Variants in FURIN observed in about 807,000 individuals in gnomAD.
FURIN encodes FES upstream region.
In FURIN, 18 loss-of-function variants were observed where a neutral mutation model predicts 89.2. The ratio of observed to expected loss-of-function variants is 0.20; its 90% CI spans 0.14 to 0.30. The LOEUF (loss-of-function observed/expected upper bound fraction) is 0.30. Ranked by LOEUF, FURIN falls within the 10% of genes least tolerant of loss-of-function variation. The pLI, the probability that FURIN is intolerant of heterozygous loss-of-function variation, is 1.00. For missense variants in FURIN, 879 were observed against 1,100.5 expected, an observed-to-expected ratio of 0.80 and a Z score of 2.85; for synonymous variants, 508 against 466.4, an observed-to-expected ratio of 1.09 and a Z score of -1.15.
Position 90,880,691 on chromosome 15 carries a change from G to A in FURIN, c.1557G>A (p.Arg519=), listed in dbSNP as rs1167768536. 6.2e-7 allele frequency: 1 copy of A among 1,612,260 alleles called. No homozygotes were observed. Among genetic ancestry groups the A allele is most frequent in the African/African-American group, 1.3e-5 (1 of 74,908 alleles). Residue 519 remains arginine (R), a splice_region_variant and synonymous_variant, in exon 14 of 16, where the codon AGG becomes AGA. Coordinates refer to ENST00000268171, the MANE Select transcript of FURIN (RefSeq NM_002569.4). ...MGTRSTLLAA[R]PHDYSADGFN... is the part of the protein sequence containing the mutation. ...GGGCTGTGTGCACTCCCCTCCCCAG[G>A]CCACATGACTACTCCGCAGATGGGT...
In FURIN at chr15:90,876,392, C is replaced by T. The variant is rs1333338070; in HGVS notation, c.276+39C>T. 2.6e-6 allele frequency: 4 copies of T among 1,517,260 alleles called. No homozygotes were observed. The highest frequency in any genetic ancestry group is 1.7e-5 in the Admixed American group (1 of 59,886). The allele number at this position is 1,517,260 out of a possible 1,614,324, so 94.0% of individuals were successfully genotyped here. A position where few individuals can be genotyped will look rare whatever the true frequency, so the allele number is the denominator to read the frequency against. ...CAGCCCCCTCCTGCTGCCACCCTCC[C>T]CCTCCTGCTCTCAGGAGCCCCTCTC... On this transcript the variant is annotated intron_variant, in intron 3 of 15. Coordinates refer to ENST00000268171, the MANE Select transcript of FURIN (RefSeq NM_002569.4). This position sits in a 1 kb window ranked among gnomAD's most constrained non-coding sequence, Gnocchi z 5.0.
intron 1 of FURIN, among the ~76,000 whole-genome samples, chr15:90,869,908 G>A (rs1050197968): frequency 6.6e-6 from 1 of 152,236 alleles, no homozygotes; most frequent in East Asian, 1.9e-4. Context: ...AGGAAGAAGC[G>A]TGAGTCACTT....
At position 90,877,527 on chromosome 15, in the gene FURIN, G is replaced by A. The variant is rs756851426; in HGVS notation, c.579G>A (p.Arg193=). 8 of 1,568,376 alleles carry A rather than the reference G, an allele frequency of 5.1e-6. No individual in the cohort carries two copies. The highest frequency in any genetic ancestry group is 4.7e-5 in the South Asian group (4 of 85,260). ...QPRYTQMNDN[R]HGTRCAGEVA... is the part of the protein sequence containing the mutation. ...CATGCTACGTGCTTGGCCCTGGCAGGCACGGCACACGGTGTGCGGGGGAAG... is the reference window on the plus strand; with the variant it reads ...CATGCTACGTGCTTGGCCCTGGCAGACACGGCACACGGTGTGCGGGGGAAG... The change falls in exon 7 of 16, where the codon AGG becomes AGA. Residue 193 remains arginine, a splice_region_variant and synonymous_variant. Transcript: ENST00000268171.
chr15:90,874,651 G>A (rs2031507201), intron 1 of FURIN, among the ~76,000 whole-genome samples: 1 of 152,332 alleles, frequency 6.6e-6, no homozygotes, highest in Middle Eastern at 3.4e-3. Flanking sequence ...GCTGAACTAG[G>A]AAACCCTAGT....
chr15:90,877,659 A>C, intron 7 of FURIN, 44 bp downstream of exon 7: 1 of 1,380,326 alleles, frequency 7.2e-7, no homozygotes, highest in Non-Finnish European at 1.0e-6. Flanking sequence ...AGGGCCCTTC[A>C]GTGGAATTTT....
intron 7 of FURIN, 102 bp from the exon 8 acceptor site, chr15:90,878,030 A>T: frequency 1.8e-6 from 2 of 1,104,910 alleles, no homozygotes; most frequent in Non-Finnish European, 2.7e-6. Context: ...CCCTTCCCTT[A>T]CTCATCCCCT....
intron 1 of FURIN, among the ~76,000 whole-genome samples, 157 bp from the exon 2 acceptor site, chr15:90,875,425 G>A (rs2031556620): frequency 6.6e-6 from 1 of 152,136 alleles, no homozygotes; most frequent in Admixed American, 6.5e-5. Flanking sequence ...CTGGCCTTGG[G>A]GGCTAGATTT....
intron 9 of FURIN, 142 bp from the exon 10 acceptor site, chr15:90,879,302 C>T: frequency 1.5e-6 from 1 of 671,252 alleles, no homozygotes; most frequent in East Asian, 2.7e-5. Flanking sequence ...AGCAAGGCAG[C>T]AGCTGGGACC....
chr15:90,876,240 C>T lies in FURIN; in HGVS notation c.178-15C>T, dbSNP rs915652878. On this transcript the variant is annotated splice_polypyrimidine_tract_variant and intron_variant, in intron 2 of 15. Coordinates refer to ENST00000268171, the MANE Select transcript of FURIN (RefSeq NM_002569.4). The surrounding 1 kb of genome is among the most constrained non-coding windows in gnomAD (Gnocchi z 5.0). The stretch of plus-strand genomic sequence containing the variant: ...CAGATGGAAAGCCCAGCTCAGTCTC[C>T]CTGCTCTATTGCAGATCTTCGGGGA... The T allele has an allele frequency of 1.9e-6, 3 of 1,548,990 alleles. No individual in the cohort carries two copies. The highest frequency in any genetic ancestry group is 1.1e-5 in the South Asian group (1 of 89,828).
At chr15:90,871,085 C>T (rs1232889794) in intron 1 of FURIN, among the ~76,000 whole-genome samples, 1 of 152,224 alleles carries the variant, frequency 6.6e-6, no homozygotes, top group Non-Finnish European at 1.5e-5. Flanking sequence ...GTCCTGCCGC[C>T]GTGCAGTCCT....
chr15:90,878,287 T>C lies in FURIN; in HGVS notation c.823T>C (p.Phe275Leu), dbSNP rs563066377. The C allele has an allele frequency of 1.4e-5, 22 of 1,599,602 alleles. 1 individual carries two copies. In the South Asian group the frequency reaches 1.6e-4, roughly 11 times the overall value. ...AGCCCGCCTCGCCGAGGAGGCCTTCTTCCGTGGGGTTAGCCAGGTGAGGTG... is the reference window on the plus strand; with the variant it reads ...AGCCCGCCTCGCCGAGGAGGCCTTCCTCCGTGGGGTTAGCCAGGTGAGGTG... ...GPARLAEEAF[F>L]RGVSQGRGGL... Residue 275 changes from phenylalanine to leucine, a missense_variant, in exon 8 of 16, where the codon TTC (phenylalanine) becomes CTC (leucine). Physicochemically the swap from Phe to Leu is conservative, Grantham distance 22. Around this residue, in one of 5 missense-constraint regions of FURIN, gnomAD observed 156 missense variants for 243.7 expected, o/e 0.64. Transcript: ENST00000268171.
rs1393588726 is a variant in FURIN, at chr15:90,880,291, G to T, written c.1556+18G>T. The T allele has an allele frequency of 1.9e-6, 3 of 1,578,134 alleles. No individual in the cohort carries two copies. In the African/African-American group the frequency reaches 4.0e-5, roughly 21 times the overall value. The stretch of plus-strand genomic sequence containing the variant: ...GCAGCCAGGTGCTTGCTCTGTCCCT[G>T]CCCGCCCTGCCCAGCGCCGCCGCCT... On this transcript the variant is annotated intron_variant, in intron 13 of 15. Coordinates refer to ENST00000268171, the MANE Select transcript of FURIN (RefSeq NM_002569.4).
chr15:90,882,019 G>T lies in FURIN; in HGVS notation c.*141G>T. ...GGAGACTGCTTCCCATCCTACCCTC[G>T]GGCCCACCTGGCCACCTGAGGTGGG... On this transcript the variant is annotated 3_prime_UTR_variant, in exon 16 of 16. Transcript: ENST00000268171. 1 of 657,400 alleles carries T rather than the reference G, an allele frequency of 1.5e-6. No individual in the cohort carries two copies. Among genetic ancestry groups the T allele is most frequent in the South Asian group, 1.9e-5 (1 of 51,450 alleles). 40.7% of individuals were successfully genotyped at this position (657,400 alleles called of 1,614,324 possible).
rs1305097218 is a variant in FURIN at position 90,881,639 on chromosome 15, G to T, written c.2146G>T (p.Val716Leu). The T allele has an allele frequency of 1.3e-6, 2 of 1,589,228 alleles. No individual in the cohort carries two copies. Among genetic ancestry groups the T allele is most frequent in the Non-Finnish European group, 1.7e-6 (2 of 1,165,070 alleles). ...AGLLPSHLPE[V>L]VAGLSCAFIV... ...GCTGCTGCCCTCACACCTGCCTGAG[G>T]TGGTGGCCGGCCTCAGCTGCGCCTT... The change falls in exon 16 of 16, where the codon GTG (valine) becomes TTG (leucine). Residue 716 changes from valine to leucine, a missense_variant. By Grantham distance (32) the Val-to-Leu change is conservative (BLOSUM62 1). Transcript: ENST00000268171. The surrounding 1 kb of genome is among the most constrained non-coding windows in gnomAD (Gnocchi z 4.3).
rs368837271 is a variant in FURIN, at chr15:90,876,161, C to T, written c.178-94C>T. 1.2e-3 allele frequency: 1,130 copies of T among 918,962 alleles called. 18 individuals carry two copies. The South Asian group carries it at 0.014, about 11-fold the overall frequency. 56.9% of individuals were successfully genotyped at this position (918,962 alleles called of 1,614,324 possible). On this transcript the variant is annotated intron_variant, in intron 2 of 15. Coordinates refer to ENST00000268171, the MANE Select transcript of FURIN (RefSeq NM_002569.4). The surrounding 1 kb of genome is among the most constrained non-coding windows in gnomAD (Gnocchi z 5.0). ...AGATGCCCCGCACCCCCGACCGTGG[C>T]GAGCCTCCCATGAAGCCGTTGTCCA...
intron 9 of FURIN, 103 bp downstream of exon 9, chr15:90,879,079 G>C (rs1249174167): frequency 1.4e-6 from 1 of 733,928 alleles, no homozygotes; most frequent in Admixed American, 2.4e-5. Context: ...CATGTGGCTG[G>C]GTGATAGTGG....
intron 8 of FURIN, 103 bp downstream of exon 8, chr15:90,878,407 T>TAC: frequency 1.0e-6 from 1 of 971,004 alleles, no homozygotes; most frequent in Non-Finnish European, 1.5e-6. Context: ...TGTTTAACTT[T>TAC]ACACAAAGCA....
intron 6 of FURIN, 93 bp from the exon 7 acceptor site, chr15:90,877,434 G>A (rs1018158790): frequency 5.8e-6 from 6 of 1,026,698 alleles, no homozygotes; most frequent in East Asian, 5.2e-5. Context: ...GATGGGTGTC[G>A]GATGTGCGGA....
Position 90,881,630 on chromosome 15 carries a change from C to A in FURIN, c.2137C>A (p.Leu713Met). Residue 713 changes from leucine (L) to methionine (M), a missense_variant, in exon 16 of 16, where the codon CTG (leucine) becomes ATG (methionine). This residue lies in a region of FURIN where 457 missense variants were observed against 490.7 expected (regional missense o/e 0.93). Coordinates refer to ENST00000268171, the MANE Select transcript of FURIN (RefSeq NM_002569.4). This position sits in a 1 kb window ranked among gnomAD's most constrained non-coding sequence, Gnocchi z 4.3. ...GCGGGCAGGGCTGCTGCCCTCACAC[C>A]TGCCTGAGGTGGTGGCCGGCCTCAG... is the stretch of plus-strand genomic sequence containing the variant. ...RLRAGLLPSH[L>M]PEVVAGLSCA... 6.3e-7 allele frequency: 1 copy of A among 1,592,432 alleles called. No homozygotes were observed. Among genetic ancestry groups the A allele is most frequent in the Non-Finnish European group, 8.6e-7 (1 of 1,166,660 alleles).
Sources: allele counts gnomAD v4.1 joint callset (sites outside exome capture counted in the v4.1 genomes callset), GRCh38; gene constraint gnomAD v4.1.1; regional missense constraint gnomAD v4.1.1; non-coding constraint Gnocchi (gnomAD v3.1); transcripts MANE v1.5; gene names NCBI Gene and HGNC (gene_info 2026-07-23, HGNC 2026-07-21).